HLA-DQB1: variants seen among roughly 807,000 people sequenced by gnomAD.
HLA-DQB1 encodes the protein HLA class II histocompatibility antigen, DQ beta 1 chain.
A neutral mutation model predicts 26.4 loss-of-function variants in HLA-DQB1; 13 were observed. That is an observed-to-expected ratio of 0.49 (90% CI 0.32 to 0.78). HLA-DQB1 has a LOEUF of 0.78. HLA-DQB1 is among the 30% of genes least tolerant of loss of function. The pLI, the probability that HLA-DQB1 is intolerant of heterozygous loss-of-function variation, is 0.03. For synonymous variants in HLA-DQB1, 60 were observed against 129.1 expected, an observed-to-expected ratio of 0.46 and a Z score of 3.63; for missense variants, 158 against 326.2, an observed-to-expected ratio of 0.48 and a Z score of 3.97.
chr6:32,662,337 C>T (rs281864040), intron 2 of HLA-DQB1, 89 bp from the exon 3 acceptor site: 1 of 545,564 alleles, frequency 1.8e-6, no homozygotes, highest in Non-Finnish European at 2.7e-6. Context: ...CCTCCTTGGA[C>T]CAGAGTGGAA....
At chr6:32,661,922 TTTGTCTTGTGG>T (rs747614950) in intron 3 of HLA-DQB1, 34 bp downstream of exon 3, 48 of 1,231,358 alleles carry the variant, frequency 3.9e-5, no homozygotes, top group African/African-American at 6.4e-5. Flanking sequence ...GAAGGAGCTC[TTTGTCTTGTGG>T]GCCCATAGTA....
At chr6:32,665,041 T>C in exon 2 of HLA-DQB1, 1 of 1,369,672 alleles carries the variant, frequency 7.3e-7, no homozygotes, top group Non-Finnish European at 1.0e-6. Context: ...AAGTAGCACA[T>C]GCCCTTAAAC....
chr6:32,660,932 T>C (rs191022301), intron 4 of HLA-DQB1: 32 of 1,275,178 alleles, frequency 2.5e-5, no homozygotes, highest in Admixed American at 1.7e-4. Context: ...AAACAGCCAC[T>C]CTCTCACCCC....
exon 1 of HLA-DQB1, chr6:32,666,585 C>G: frequency 8.5e-7 from 1 of 1,176,302 alleles, no homozygotes; most frequent in South Asian, 1.3e-5. Flanking sequence ...TCCGGGGATC[C>G]GCAAAGCCTT....
intron 4 of HLA-DQB1, chr6:32,660,564 C>T (rs1782885692): frequency 5.5e-6 from 2 of 362,984 alleles, no homozygotes; most frequent in South Asian, 8.4e-5. Context: ...CTGGAAAATG[C>T]TTACAGGCAG....
intron 4 of HLA-DQB1, chr6:32,660,591 G>T: frequency 2.6e-6 from 1 of 388,958 alleles, no homozygotes; most frequent in Non-Finnish European, 4.6e-6. Context: ...CCATCATGTG[G>T]CACAAAGTGG....
At chr6:32,664,824 G>A in exon 2 of HLA-DQB1, 2 of 934,108 alleles carry the variant, frequency 2.1e-6, no homozygotes, top group Non-Finnish European at 1.5e-6. Context: ...CCCGCGGAAC[G>A]CCACCTCGTA....
In HLA-DQB1 at chr6:32,660,561, A is replaced by G. The variant is rs920857032; in HGVS notation, c.773-312T>C. 12 of 357,038 alleles carry G rather than the reference A, an allele frequency of 3.4e-5. 2 individuals are homozygous for G. Among genetic ancestry groups the G allele is most frequent in the Admixed American group, 1.9e-4 (4 of 21,094 alleles). The allele number at this position is 357,038 out of a possible 1,614,324, so 22.1% of individuals were successfully genotyped here. ...AGCAGCCTCTTTCAGTCACTGGAAAATGCTTACAGGCAGTAGCCACCATCA... is the reference window on the plus strand; with the variant it reads ...AGCAGCCTCTTTCAGTCACTGGAAAGTGCTTACAGGCAGTAGCCACCATCA... On this transcript the variant is annotated intron_variant, in intron 4 of 4. Coordinates refer to ENST00000434651, the Ensembl canonical transcript of HLA-DQB1.
chr6:32,662,650 T>C (rs9274178), intron 2 of HLA-DQB1: 4,441 of 107,524 alleles, frequency 0.041, 289 homozygotes, highest in East Asian at 0.11. Flanking sequence ...TCTTCTCAGA[T>C]TGCTGCTCAT....
At chr6:32,661,921 C>A in intron 3 of HLA-DQB1, 46 bp downstream of exon 3, 1 of 1,187,008 alleles carries the variant, frequency 8.4e-7, no homozygotes, top group Non-Finnish European at 1.1e-6. Context: ...AGAAGGAGCT[C>A]TTTGTCTTGT....
chr6:32,661,494 C>A (rs9273687), intron 3 of HLA-DQB1, 37 bp from the exon 4 acceptor site: 501 of 1,024,824 alleles, frequency 4.9e-4, no homozygotes, highest in Non-Finnish European at 5.6e-4. Context: ...TTTGTCCCCA[C>A]ACCCCATAGC....
At position 32,666,487 on chromosome 6, in the gene HLA-DQB1, C is replaced by T. The variant is rs72844399; in HGVS notation, c.109+12G>A. On this transcript the variant is annotated intron_variant, in intron 1 of 4. Coordinates refer to ENST00000434651, the Ensembl canonical transcript of HLA-DQB1. ...GAGTGGCGGCTCTGGAGAGCAGCTG[C>T]CCTGCACTTACCGGGAGAGTCTCTG... 0.2 allele frequency: 188,949 copies of T among 948,484 alleles called. 30,727 individuals are homozygous for T. Among genetic ancestry groups the T allele is most frequent in the South Asian group, 0.25 (15,470 of 62,418 alleles). 58.8% of individuals were successfully genotyped at this position (948,484 alleles called of 1,614,324 possible).
intron 4 of HLA-DQB1, 78 bp downstream of exon 4, chr6:32,661,269 T>A (rs28724237): frequency 1.7e-6 from 1 of 603,030 alleles, no homozygotes; most frequent in Admixed American, 3.9e-5. Flanking sequence ...AGGAAAGAGC[T>A]AATCTACAGA....
Position 32,666,568 on chromosome 6 carries a change from GA to G in HLA-DQB1, c.39del (p.Arg14GlyfsTer2). 8.4e-7 allele frequency: 1 copy of G among 1,196,446 alleles called. No homozygotes were observed. The highest frequency in any genetic ancestry group is 1.2e-6 in the Non-Finnish European group (1 of 831,084). The allele number at this position is 1,196,446 out of a possible 1,614,324, so 74.1% of individuals were successfully genotyped here. On this transcript the variant is annotated frameshift_variant, in exon 1 of 5. Coordinates refer to ENST00000434651, the Ensembl canonical transcript of HLA-DQB1. LOFTEE classifies it high-confidence loss of function. Reference sequence around the variant, plus strand: ...AGCATCAAGGTGACAGTTGCTACCCGAAGGTCTCCGGGGATCCGCAAAGCCT... The same window carrying G: ...AGCATCAAGGTGACAGTTGCTACCCGAGGTCTCCGGGGATCCGCAAAGCCT...
At chr6:32,665,708 C>T (rs281861484) in intron 1 of HLA-DQB1, among the ~76,000 whole-genome samples, 2 of 94,164 alleles carry the variant, frequency 2.1e-5, no homozygotes, top group Non-Finnish European at 4.5e-5. Context: ...GTGGCAGTCA[C>T]CAGTTTGGGC....
In HLA-DQB1 at chr6:32,664,861, C is replaced by A. The variant is rs1130385; in HGVS notation, c.316G>T (p.Glu106Ter). The change falls in exon 2 of 5, where the codon GAG becomes TAG. Residue 106 changes from glutamate to a stop codon, truncating the protein, a stop_gained. Coordinates refer to ENST00000434651, the Ensembl canonical transcript of HLA-DQB1. LOFTEE classifies it high-confidence loss of function. ...TTGTGTCTGCACACCGTGTCCAACT[C>A]CGCCCGGGTCCCCTCCAGGACTTCC... 243,564 of 1,054,498 alleles carry A rather than the reference C, an allele frequency of 0.23. 65,853 individuals carry two copies. Among genetic ancestry groups the A allele is most frequent in the South Asian group, 0.31 (21,707 of 70,806 alleles). The allele number at this position is 1,054,498 out of a possible 1,614,324, so 65.3% of individuals were successfully genotyped here. A position where few individuals can be genotyped will look rare whatever the true frequency, so the allele number is the denominator to read the frequency against.
intron 2 of HLA-DQB1, chr6:32,662,810 C>T (rs36174316): frequency 0.22 from 27,073 of 123,976 alleles, 2,964 homozygotes; most frequent in South Asian, 0.27. Context: ...TATGTTCTCT[C>T]ATTTTCTTTT....
At chr6:32,662,942 CCA>C in intron 2 of HLA-DQB1, 1 of 137,482 alleles carries the variant, frequency 7.3e-6, no homozygotes, top group Admixed American at 7.3e-5. Flanking sequence ...TGTATGTTCT[CCA>C]CAGAAAATAT....
At chr6:32,666,377 G>A (rs9274508) in intron 1 of HLA-DQB1, 122 bp downstream of exon 1, 88,210 of 420,348 alleles carry the variant, frequency 0.21, 13,378 homozygotes, top group South Asian at 0.26. Context: ...TTTCCCAAGA[G>A]AGAGGAAATG....
Sources: gnomAD v4.1 joint callset for allele counts (sites outside exome capture counted in the v4.1 genomes callset) on GRCh38, gnomAD v4.1.1 for gene constraint, MANE v1.5 for transcripts, NCBI Gene and HGNC (gene_info 2026-07-23, HGNC 2026-07-21) for gene names.